Variants in RBFOX1 observed in about 807,000 individuals in gnomAD.
RBFOX1 encodes the protein RNA binding protein fox-1 homolog 1.
In RBFOX1, 8 loss-of-function variants were observed where a neutral mutation model predicts 57.7. The observed-to-expected ratio is 0.14, with a 90% CI of 0.08 to 0.25. RBFOX1 has a LOEUF of 0.25. Ranked by LOEUF, RBFOX1 falls within the 10% of genes least tolerant of loss-of-function variation. RBFOX1 has a pLI of 1.00. For missense variants in RBFOX1, 611 were observed against 548.5 expected (o/e 1.11, Z -1.14); for synonymous variants, 326 against 222.4 (o/e 1.47, Z -4.15).
At chr16:5,565,500 G>A (rs556124812) in intron 2 of RBFOX1, among the ~76,000 whole-genome samples, 49 of 151,982 alleles carry the variant, frequency 3.2e-4, no homozygotes, top group African/African-American at 1.0e-3. Flanking sequence ...TGGCACCTGC[G>A]TATAATCCCA....
intron 1 of RBFOX1, among the ~76,000 whole-genome samples, chr16:6,080,273 T>C (rs1455341232): frequency 6.6e-6 from 1 of 152,018 alleles, no homozygotes; most frequent in Non-Finnish European, 1.5e-5. Context: ...TCATCTGTTA[T>C]GTAAAGGTGG....
chr16:6,806,836 A>ATATAT (rs754342591), intron 3 of RBFOX1, among the ~76,000 whole-genome samples: 1,041 of 91,840 alleles, frequency 0.011, 33 homozygotes, highest in African/African-American at 0.039. Flanking sequence ...ATATATATAT[A>ATATAT]TTTTTTTTTT....
chr16:6,957,014 AG>A (rs2081983276), intron 3 of RBFOX1, among the ~76,000 whole-genome samples: 1 of 149,586 alleles, frequency 6.7e-6, no homozygotes. Context: ...TTATTAAGAA[AG>A]GAAAGAAATA....
rs1393650446 is a variant in RBFOX1 at position 5,698,598 on chromosome 16, A to G, written c.318+99637A>G. Among the ~76,000 whole-genome samples, 5 of 151,888 alleles carry G rather than the reference A, an allele frequency of 3.3e-5. No individual in the cohort carries two copies. In the East Asian group the frequency reaches 7.7e-4, roughly 23 times the overall value. On this transcript the variant is annotated intron_variant, in intron 3 of 19. Transcript: ENST00000641259. ...TGACCCAGCACTTCCACTCCTGAGT[A>G]TACATTCAAAAGATTTAAAAACAGG... is the stretch of plus-strand genomic sequence containing the variant.
intron 3 of RBFOX1, among the ~76,000 whole-genome samples, chr16:6,777,684 G>C (rs1027340449): frequency 3.9e-5 from 6 of 152,088 alleles, no homozygotes; most frequent in African/African-American, 2.4e-5. Context: ...TGTAGACCTT[G>C]ATGTTTTAAT....
intron 2 of RBFOX1, among the ~76,000 whole-genome samples, chr16:6,487,074 G>T (rs1444897916): frequency 2.0e-5 from 3 of 151,904 alleles, no homozygotes; most frequent in Non-Finnish European, 4.4e-5. Context: ...ACAGTTTTCA[G>T]GGTGTGTTTT....
At chr16:7,603,723 C>T (rs539707523) in intron 9 of RBFOX1, among the ~76,000 whole-genome samples, 7 of 151,612 alleles carry the variant, frequency 4.6e-5, no homozygotes, top group Non-Finnish European at 8.8e-5. Flanking sequence ...CTGGGAGAGA[C>T]GGGGAAAGGG....
chr16:5,711,862 A>T (rs1051950523), intron 3 of RBFOX1, among the ~76,000 whole-genome samples: 4 of 152,202 alleles, frequency 2.6e-5, no homozygotes, highest in Non-Finnish European at 5.9e-5. Context: ...CAAAAATAGT[A>T]ACAGCCTCTA....
chr16:5,558,296 G>A (rs185512305), intron 2 of RBFOX1, among the ~76,000 whole-genome samples: 451 of 152,240 alleles, frequency 3.0e-3, no homozygotes, highest in Middle Eastern at 0.01. Flanking sequence ...TGTAACACAC[G>A]CCTACTGGGC....
At chr16:5,655,772 C>G (rs1262878471) in intron 3 of RBFOX1, among the ~76,000 whole-genome samples, 1 of 152,212 alleles carries the variant, frequency 6.6e-6, no homozygotes, top group African/African-American at 2.4e-5. Flanking sequence ...GAAAATAGCC[C>G]TACACTTTGA....
chr16:5,355,596 T>C (rs1388424183), intron 1 of RBFOX1, among the ~76,000 whole-genome samples: 2 of 152,148 alleles, frequency 1.3e-5, no homozygotes, highest in African/African-American at 4.8e-5. Context: ...TTGATGTAAT[T>C]AGGAAGACAG....
chr16:5,719,290 C>T (rs1159609151), intron 3 of RBFOX1, among the ~76,000 whole-genome samples: 1 of 151,488 alleles, frequency 6.6e-6, no homozygotes, highest in African/African-American at 2.4e-5. Context: ...CAAGCTCCGC[C>T]CCCCTGGTTC....
chr16:5,401,345 G>A (rs979756208), intron 1 of RBFOX1, among the ~76,000 whole-genome samples: 1 of 152,050 alleles, frequency 6.6e-6, no homozygotes, highest in African/African-American at 2.4e-5. Context: ...GGTTTGTGAT[G>A]CCTCCTTTAG....
intron 4 of RBFOX1, among the ~76,000 whole-genome samples, chr16:7,508,245 T>C (rs530371081): frequency 9.9e-5 from 15 of 152,162 alleles, no homozygotes; most frequent in Non-Finnish European, 2.1e-4. Flanking sequence ...TCCTAAGTGC[T>C]GGGATTACAA....
intron 2 of RBFOX1, among the ~76,000 whole-genome samples, chr16:6,471,219 G>A (rs1270569887): frequency 6.6e-6 from 1 of 152,022 alleles, no homozygotes; most frequent in African/African-American, 2.4e-5. Context: ...TTTCTCCCCT[G>A]ACTATCGAAC....
At chr16:7,705,160 A>C (rs1337006857) in intron 14 of RBFOX1, among the ~76,000 whole-genome samples, 2 of 152,154 alleles carry the variant, frequency 1.3e-5, no homozygotes, top group Non-Finnish European at 1.5e-5. Context: ...GAGGGTGAGC[A>C]AGTGCCAAGA....
chr16:5,373,876 T>C (rs2065920197), intron 1 of RBFOX1, among the ~76,000 whole-genome samples: 1 of 152,164 alleles, frequency 6.6e-6, no homozygotes, highest in Admixed American at 6.5e-5. Context: ...AGTGTTGGGA[T>C]TACAGGCATG....
intron 7 of RBFOX1, among the ~76,000 whole-genome samples, chr16:7,591,875 G>A (rs1158193865): frequency 6.6e-6 from 1 of 152,106 alleles, no homozygotes; most frequent in Non-Finnish European, 1.5e-5. Context: ...CGACCATGAG[G>A]CGGGTCAGAA....
At chr16:6,146,739 C>T (rs1363874327) in intron 1 of RBFOX1, among the ~76,000 whole-genome samples, 5 of 152,290 alleles carry the variant, frequency 3.3e-5, no homozygotes. Flanking sequence ...CTTTGCTGTT[C>T]ATTATACCTT....
Sources: allele counts gnomAD v4.1 joint callset (sites outside exome capture counted in the v4.1 genomes callset), GRCh38; gene constraint gnomAD v4.1.1; transcripts MANE v1.5; gene names NCBI Gene and HGNC (gene_info 2026-07-23, HGNC 2026-07-21).